DENND1A: variants seen among roughly 807,000 people sequenced by gnomAD.
DENND1A encodes the protein DENN domain containing 1A, also known as DENN domain-containing protein 1A.
A neutral mutation model predicts 113.7 loss-of-function variants in DENND1A; 51 were observed. The observed-to-expected ratio is 0.45, with a 90% CI of 0.36 to 0.57. The LOEUF (loss-of-function observed/expected upper bound fraction) is 0.57. Ranked by LOEUF, DENND1A falls within the 20% of genes least tolerant of loss-of-function variation. DENND1A has a pLI of 0.00. For synonymous variants in DENND1A, 565 were observed against 570.8 expected, an observed-to-expected ratio of 0.99 and a Z score of 0.14; for missense variants, 1,258 against 1,395.9, an observed-to-expected ratio of 0.90 and a Z score of 1.57.
chr9:123,482,676 C>G (rs16926527), intron 13 of DENND1A, among the ~76,000 whole-genome samples: 3,450 of 152,312 alleles, frequency 0.023, 109 homozygotes, highest in African/African-American at 0.077. Context: ...ACAATTACCC[C>G]CTGGGACAAT....
chr9:123,628,269 A>T (rs1489374188), intron 10 of DENND1A, among the ~76,000 whole-genome samples: 1 of 151,808 alleles, frequency 6.6e-6, no homozygotes, highest in African/African-American at 2.4e-5. Flanking sequence ...AGATGTGGAC[A>T]TCTCAACAAA....
intron 10 of DENND1A, among the ~76,000 whole-genome samples, chr9:123,621,095 T>G (rs954953011): frequency 2.0e-5 from 3 of 152,194 alleles, no homozygotes; most frequent in African/African-American, 7.2e-5. Context: ...TAAGAGAATT[T>G]TGGCCACAAC....
intron 13 of DENND1A, among the ~76,000 whole-genome samples, chr9:123,480,316 G>A (rs1019253726): frequency 6.6e-6 from 1 of 152,064 alleles, no homozygotes; most frequent in Admixed American, 6.5e-5. Context: ...GCGGAAGCCC[G>A]GCACTGCCCT....
chr9:123,597,916 C>CA (rs1406479396), intron 11 of DENND1A, among the ~76,000 whole-genome samples: 1 of 152,312 alleles, frequency 6.6e-6, no homozygotes, highest in East Asian at 1.9e-4. Context: ...GACAACGTAT[C>CA]AGCCTGGCTG....
intron 3 of DENND1A, among the ~76,000 whole-genome samples, chr9:123,782,595 C>G (rs1307552482): frequency 6.6e-6 from 1 of 152,134 alleles, no homozygotes; most frequent in African/African-American, 2.4e-5. Context: ...AGGGAGAGGA[C>G]AGGTAAACAA....
chr9:123,530,126 A>G (rs2055177829), intron 13 of DENND1A, among the ~76,000 whole-genome samples: 1 of 152,226 alleles, frequency 6.6e-6, no homozygotes, highest in Non-Finnish European at 1.5e-5. Flanking sequence ...AGTTTCCAGA[A>G]TAAAAAAACA....
intron 5 of DENND1A, among the ~76,000 whole-genome samples, chr9:123,680,129 G>A (rs1443557227): frequency 1.3e-5 from 2 of 152,166 alleles, no homozygotes; most frequent in Non-Finnish European, 1.5e-5. Context: ...TGATGTAGAA[G>A]ATGATCATGG....
chr9:123,837,928 A>G lies in DENND1A; in HGVS notation c.88+41023T>C, dbSNP rs149655617. 4.8e-3 allele frequency among the ~76,000 whole-genome samples: 729 copies of G among 152,330 alleles called. 2 individuals are homozygous for G. The highest frequency in any genetic ancestry group is 0.017 in the African/African-American group (713 of 41,574). ...CTTTCATTCCTCCTATGAAACCTCT[A>G]TGATGGGACCCATTAATAATCCCAT... On this transcript the variant is annotated intron_variant, in intron 2 of 23. Transcript: ENST00000394215.
chr9:123,870,003 CAAAAA>C (rs11430845), intron 2 of DENND1A, among the ~76,000 whole-genome samples: 1 of 78,596 alleles, frequency 1.3e-5, no homozygotes. Flanking sequence ...GACCCTGTCT[CAAAAA>C]AAAAAAAAAA....
intron 1 of DENND1A, among the ~76,000 whole-genome samples, chr9:123,885,463 A>G (rs1848931813): frequency 6.6e-6 from 1 of 152,148 alleles, no homozygotes; most frequent in Non-Finnish European, 1.5e-5. Context: ...AGCTCCCACT[A>G]ATCACTTCTC....
At chr9:123,404,553 C>T (rs59227768) in intron 20 of DENND1A, among the ~76,000 whole-genome samples, 4,623 of 80,418 alleles carry the variant, frequency 0.057, no homozygotes, top group Middle Eastern at 0.21. Context: ...CACACTCCAC[C>T]TCCTGCCCAC....
chr9:123,692,867 T>C (rs1377114668), intron 5 of DENND1A, among the ~76,000 whole-genome samples: 1 of 152,206 alleles, frequency 6.6e-6, no homozygotes, highest in Non-Finnish European at 1.5e-5. Flanking sequence ...CTTAGCTCCA[T>C]CAGGCATTAT....
At chr9:123,837,304 A>C (rs191464463) in intron 2 of DENND1A, among the ~76,000 whole-genome samples, 1 of 152,314 alleles carries the variant, frequency 6.6e-6, no homozygotes, top group East Asian at 1.9e-4. Flanking sequence ...GATACTTCAC[A>C]ATTAGCACCC....
chr9:123,716,451 C>A (rs1288423221), intron 5 of DENND1A, among the ~76,000 whole-genome samples: 1 of 152,210 alleles, frequency 6.6e-6, no homozygotes, highest in Non-Finnish European at 1.5e-5. Context: ...CCTGCAGAGC[C>A]ATCACAGCTG....
intron 2 of DENND1A, among the ~76,000 whole-genome samples, chr9:123,855,540 T>C (rs1052643709): frequency 3.3e-5 from 5 of 152,042 alleles, no homozygotes; most frequent in African/African-American, 7.3e-5. Flanking sequence ...TGACAGGCAG[T>C]AGTGAGCGAC....
intron 13 of DENND1A, among the ~76,000 whole-genome samples, chr9:123,526,283 C>T (rs2054836141): frequency 6.6e-6 from 1 of 152,142 alleles, no homozygotes. Flanking sequence ...CTTCCTTTCC[C>T]ATTGATACTC....
chr9:123,832,192 A>G (rs962951024), intron 2 of DENND1A, among the ~76,000 whole-genome samples: 3 of 152,214 alleles, frequency 2.0e-5, no homozygotes, highest in African/African-American at 4.8e-5. Context: ...ATAACCAAAG[A>G]AACTGTATCT....
chr9:123,522,427 GCAA>G (rs1435811349), intron 13 of DENND1A, among the ~76,000 whole-genome samples: 1 of 152,230 alleles, frequency 6.6e-6, no homozygotes, highest in Non-Finnish European at 1.5e-5. Context: ...GAGCTGGTTT[GCAA>G]CAACTAGTGC....
chr9:123,557,632 C>T lies in DENND1A; in HGVS notation c.931G>A (p.Ala311Thr). 4.3e-6 allele frequency: 7 copies of T among 1,614,090 alleles called. No homozygotes were observed. Among genetic ancestry groups the T allele is most frequent in the South Asian group, 1.1e-5 (1 of 91,054 alleles). The change falls in exon 13 of 24, where the codon GCG becomes ACG. Residue 311 changes from alanine (A) to threonine (T), a missense_variant. Ala to Thr is a moderately conservative substitution (Grantham distance 58). This residue lies in a region of DENND1A where 1,159 missense variants were observed against 1,231.7 expected (regional missense o/e 0.94). Transcript: ENST00000394215. ...AAAGCAGCCTGGGCCTTGAGGAACG[C>T]TCTGGCCACACCATCCCCAGTGGTT... Reference protein sequence around the residue: ...STTTGDGVARAFLKAQAAFFG... With the variant: ...STTTGDGVARTFLKAQAAFFG...
Sources: allele counts gnomAD v4.1 joint callset (sites outside exome capture counted in the v4.1 genomes callset), GRCh38; gene constraint gnomAD v4.1.1; regional missense constraint gnomAD v4.1.1; transcripts MANE v1.5; gene names NCBI Gene and HGNC (gene_info 2026-07-23, HGNC 2026-07-21).